UNC79: variants seen among roughly 807,000 people sequenced by gnomAD.
UNC79 encodes unc-79 subunit of NALCN channel complex.
In UNC79, 37 loss-of-function variants were observed where a neutral mutation model predicts 283.1. The observed-to-expected ratio is 0.13, with a 90% CI of 0.10 to 0.17. The LOEUF (loss-of-function observed/expected upper bound fraction) is 0.17. Among genes scored for constraint, UNC79 ranks in the 10% least tolerant of loss-of-function variants. The probability of loss-of-function intolerance (pLI) is 1.00; values close to 1 mark genes in which losing one functional copy is unlikely to be tolerated. For synonymous variants in UNC79, 1,107 were observed against 1,200.2 expected (o/e 0.92, Z 1.61); for missense variants, 2,272 against 3,211.1 (o/e 0.71, Z 7.07).
At chr14:93,423,982 C>T (rs961721561) in intron 1 of UNC79, among the ~76,000 whole-genome samples, 3 of 151,998 alleles carry the variant, frequency 2.0e-5, no homozygotes, top group East Asian at 1.9e-4. Context: ...GGATTAATAA[C>T]GAGAATATAT....
At chr14:93,673,177 C>T (rs2073036277) in intron 40 of UNC79, among the ~76,000 whole-genome samples, 174 bp from the exon 44 acceptor site, 1 of 152,114 alleles carries the variant, frequency 6.6e-6, no homozygotes, top group African/African-American at 2.4e-5. Context: ...TCATTACACA[C>T]ACAAAAATGC....
chr14:93,516,428 C>A (rs1460344073), intron 7 of UNC79, among the ~76,000 whole-genome samples: 1 of 114,752 alleles, frequency 8.7e-6, no homozygotes, highest in Non-Finnish European at 1.7e-5. Flanking sequence ...TTCTACAAAA[C>A]AATCTGCTTG....
At chr14:93,404,240 G>T (rs913631450) in intron 1 of UNC79, among the ~76,000 whole-genome samples, 2 of 150,634 alleles carry the variant, frequency 1.3e-5, no homozygotes, top group Non-Finnish European at 3.0e-5. Flanking sequence ...ATATTGAATG[G>T]TTTTAGAATT....
chr14:93,457,360 A>G (rs1247231083), intron 1 of UNC79, among the ~76,000 whole-genome samples: 1 of 152,228 alleles, frequency 6.6e-6, no homozygotes, highest in Admixed American at 6.5e-5. Context: ...CCCGTGTGCT[A>G]TGAAAGTGCC....
intron 6 of UNC79, 34 bp downstream of exon 6, chr14:93,496,500 A>C: frequency 6.9e-7 from 1 of 1,453,590 alleles, no homozygotes; most frequent in Non-Finnish European, 9.2e-7. Context: ...CCATAGTCAC[A>C]AACTTAATTT....
At chr14:93,423,925 T>C (rs946359672) in intron 1 of UNC79, among the ~76,000 whole-genome samples, 3 of 152,106 alleles carry the variant, frequency 2.0e-5, no homozygotes, top group Non-Finnish European at 4.4e-5. Flanking sequence ...AGTGAAGGGC[T>C]AACCCACAGA....
chr14:93,473,368 C>T (rs562561286), intron 2 of UNC79, among the ~76,000 whole-genome samples: 2 of 152,126 alleles, frequency 1.3e-5, no homozygotes, highest in African/African-American at 4.8e-5. Context: ...CATTAGTTCA[C>T]AAACATATGC....
chr14:93,621,720 C>T lies in UNC79; in HGVS notation c.4487C>T (p.Ser1496Phe). The change falls in exon 30 of 49, where the codon TCT becomes TTT. Residue 1496 changes from serine to phenylalanine, a missense_variant. Around this residue, in one of 11 missense-constraint regions of UNC79, gnomAD observed 580 missense variants for 632.2 expected, o/e 0.92. Transcript: ENST00000555664. This position sits in a 1 kb window ranked among gnomAD's most constrained non-coding sequence, Gnocchi z 4.8. ...AGCATTCCGAAAAAAAAGCTACGCT[C>T]TTTCAAACAAAAATCTCTTGATATA... 6.2e-7 allele frequency: 1 copy of T among 1,613,882 alleles called. No individual in the cohort carries two copies. The highest frequency in any genetic ancestry group is 8.5e-7 in the Non-Finnish European group (1 of 1,179,932).
rs150154448 is a variant in UNC79 at position 93,670,427 on chromosome 14, G to A, written c.6637-2924G>A. 1.8e-4 allele frequency among the ~76,000 whole-genome samples: 28 copies of A among 152,218 alleles called. No homozygotes were observed. In the East Asian group the frequency reaches 3.3e-3, roughly 18 times the overall value. On this transcript the variant is annotated intron_variant, in intron 40 of 48. Transcript: ENST00000555664. ...TTCCTCTTTGGGCTCAATTAATTTGGTAGAGCAGCTCACAGAACTCAGGAA... is the reference window on the plus strand; with the variant it reads ...TTCCTCTTTGGGCTCAATTAATTTGATAGAGCAGCTCACAGAACTCAGGAA...
intron 32 of UNC79, among the ~76,000 whole-genome samples, chr14:93,640,570 G>A (rs541784570): frequency 6.6e-6 from 1 of 152,328 alleles, no homozygotes; most frequent in Non-Finnish European, 1.5e-5. Flanking sequence ...TGAGGCTGCA[G>A]TGAGCTGTGC....
At chr14:93,524,476 C>G in intron 8 of UNC79, among the ~76,000 whole-genome samples, 1 of 152,088 alleles carries the variant, frequency 6.6e-6, no homozygotes. Context: ...ACAAATATGA[C>G]TTAACTGAAA....
chr14:93,603,787 C>T (rs1430587963), intron 26 of UNC79, among the ~76,000 whole-genome samples: 1 of 152,052 alleles, frequency 6.6e-6, no homozygotes, highest in African/African-American at 2.4e-5. Flanking sequence ...GACAATAAGA[C>T]CTATCATGGC....
intron 1 of UNC79, among the ~76,000 whole-genome samples, chr14:93,458,516 G>C (rs1566948059): frequency 6.6e-6 from 1 of 152,102 alleles, no homozygotes; most frequent in Non-Finnish European, 1.5e-5. Context: ...AAAAAAATGA[G>C]TACTGCAAAT....
chr14:93,356,137 C>T (rs868834191), intron 1 of UNC79, among the ~76,000 whole-genome samples: 1 of 151,816 alleles, frequency 6.6e-6, no homozygotes. Flanking sequence ...AAGCAATTCT[C>T]CTGCCTTAGC....
At chr14:93,695,890 CAAAA>C (rs535235954) in intron 47 of UNC79, among the ~76,000 whole-genome samples, 5,848 of 39,462 alleles carry the variant, frequency 0.15, 479 homozygotes, top group Non-Finnish European at 0.19. Context: ...GACTTTGTCT[CAAAA>C]AAAAAAAAAA....
At chr14:93,490,287 G>C (rs1395906286) in intron 5 of UNC79, among the ~76,000 whole-genome samples, 1 of 152,004 alleles carries the variant, frequency 6.6e-6, no homozygotes, top group African/African-American at 2.4e-5. Flanking sequence ...ATGGTCACTT[G>C]GCTACACTCT....
At chr14:93,421,176 G>A (rs1210991152) in intron 1 of UNC79, among the ~76,000 whole-genome samples, 1 of 151,326 alleles carries the variant, frequency 6.6e-6, no homozygotes, top group Non-Finnish European at 1.5e-5. Flanking sequence ...TTGGCTTTTT[G>A]AAAAGATAAA....
intron 4 of UNC79, among the ~76,000 whole-genome samples, chr14:93,478,232 C>T (rs34690258): frequency 0.31 from 46,336 of 151,560 alleles, 7,379 homozygotes; most frequent in East Asian, 0.65. Flanking sequence ...ATAGAGGTAT[C>T]GTGATGATAA....
chr14:93,660,526 T>C (rs1199477577), intron 39 of UNC79, among the ~76,000 whole-genome samples: 1 of 38,480 alleles, frequency 2.6e-5, no homozygotes, highest in Non-Finnish European at 4.8e-5. Flanking sequence ...ATAGCATATA[T>C]ATATATATAT....
Sources: allele counts gnomAD v4.1 joint callset (sites outside exome capture counted in the v4.1 genomes callset), GRCh38; gene constraint gnomAD v4.1.1; regional missense constraint gnomAD v4.1.1; non-coding constraint Gnocchi (gnomAD v3.1); transcripts MANE v1.5; gene names NCBI Gene and HGNC (gene_info 2026-07-23, HGNC 2026-07-21).